The following CNTN3 variants were observed in gnomAD, a reference collection of about 807,000 sequenced individuals.
CNTN3 encodes the protein contactin-3.
In CNTN3, 60 loss-of-function variants were observed where a neutral mutation model predicts 119.1. The ratio of observed to expected loss-of-function variants is 0.50; its 90% CI spans 0.41 to 0.62. The LOEUF (loss-of-function observed/expected upper bound fraction) is 0.62. Ranked by LOEUF, CNTN3 falls within the 20% of genes least tolerant of loss-of-function variation. The pLI is 0.00. For missense variants in CNTN3, 1,101 were observed against 1,242.4 expected, an observed-to-expected ratio of 0.89 and a Z score of 1.71; for synonymous variants, 450 against 438.7, an observed-to-expected ratio of 1.03 and a Z score of -0.32.
At position 74,448,792 on chromosome 3, in the gene CNTN3, C is replaced by T. The variant is rs573282354; in HGVS notation, c.359-23852G>A. 4.9e-4 allele frequency among the ~76,000 whole-genome samples: 74 copies of T among 152,224 alleles called. 1 individual carries two copies. The highest frequency in any genetic ancestry group is 6.8e-3 in the Middle Eastern group (2 of 294). On this transcript the variant is annotated intron_variant, in intron 4 of 22. Transcript: ENST00000263665. ...TCTACCAGAATGGTCCATTTCATAACTATTTTTCTATATCCTTTGAAAAAC... is the reference window on the plus strand; with the variant it reads ...TCTACCAGAATGGTCCATTTCATAATTATTTTTCTATATCCTTTGAAAAAC...
At chr3:74,488,270 G>C (rs752834072) in intron 3 of CNTN3, among the ~76,000 whole-genome samples, 33 of 151,678 alleles carry the variant, frequency 2.2e-4, no homozygotes, top group Non-Finnish European at 4.6e-4. Flanking sequence ...CCGACACCAC[G>C]CCTGGCTAAT....
chr3:74,342,861 C>T (rs932901389), intron 11 of CNTN3, among the ~76,000 whole-genome samples: 1 of 152,132 alleles, frequency 6.6e-6, no homozygotes, highest in African/African-American at 2.4e-5. Context: ...AGGCAATACT[C>T]TCATCTGAAA....
intron 5 of CNTN3, among the ~76,000 whole-genome samples, chr3:74,402,949 G>A (rs1705235114): frequency 6.6e-6 from 1 of 152,134 alleles, no homozygotes; most frequent in Admixed American, 6.6e-5. Flanking sequence ...AGTTCTGGGA[G>A]GAGCAAGAGG....
rs540092102 is a variant in CNTN3 at position 74,470,864 on chromosome 3, C to T, written c.358+15592G>A. ...AAAATACTCCATGCCAAAACATATTCGGTTTTTTGTTGTTGTTGTTGTTGT... is the reference window on the plus strand; with the variant it reads ...AAAATACTCCATGCCAAAACATATTTGGTTTTTTGTTGTTGTTGTTGTTGT... On this transcript the variant is annotated intron_variant, in intron 4 of 22. Transcript: ENST00000263665. Among the ~76,000 whole-genome samples the T allele has an allele frequency of 5.6e-4, 63 of 112,556 alleles. No individual in the cohort carries two copies. The East Asian group carries it at 0.011, about 20-fold the overall frequency. 73.8% of individuals were successfully genotyped at this position (112,556 alleles called of 152,430 possible).
intron 1 of CNTN3, among the ~76,000 whole-genome samples, chr3:74,568,515 A>T (rs1575835606): frequency 6.6e-6 from 1 of 152,300 alleles, no homozygotes; most frequent in East Asian, 1.9e-4. Flanking sequence ...GTTCTGAAGC[A>T]GGTCCTGGGA....
intron 20 of CNTN3, among the ~76,000 whole-genome samples, chr3:74,276,182 C>A (rs971360512): frequency 5.9e-5 from 9 of 152,030 alleles, no homozygotes; most frequent in Non-Finnish European, 1.2e-4. Context: ...GACAGCCACA[C>A]AATAATAGTG....
chr3:74,293,889 T>A (rs140740045), intron 19 of CNTN3, among the ~76,000 whole-genome samples: 1 of 152,314 alleles, frequency 6.6e-6, no homozygotes, highest in East Asian at 1.9e-4. Context: ...ATGGCCTTAG[T>A]TTGAGAAGTC....
intron 5 of CNTN3, among the ~76,000 whole-genome samples, chr3:74,395,955 T>C (rs563457456): frequency 4.6e-5 from 7 of 152,314 alleles, no homozygotes; most frequent in African/African-American, 1.7e-4. Context: ...ATGTTACTAT[T>C]GTAATTTTTG....
At chr3:74,398,240 T>C (rs539170996) in intron 5 of CNTN3, among the ~76,000 whole-genome samples, 8 of 152,294 alleles carry the variant, frequency 5.3e-5, no homozygotes, top group South Asian at 2.1e-4. Flanking sequence ...GAAGAGTCAA[T>C]TGATGTGGCA....
chr3:74,507,626 C>CTTTTTTTTTTTTTTTTTTTTTTTTTTTT (rs59540461), intron 2 of CNTN3, among the ~76,000 whole-genome samples: 2 of 103,652 alleles, frequency 1.9e-5, no homozygotes, highest in African/African-American at 4.0e-5. Context: ...TTCTTTCTTT[C>CTTTTTTTTTTTTTTTTTTTTTTTTTTTT]TTTTTTTTTT....
At chr3:74,480,491 T>C (rs745559287) in intron 4 of CNTN3, among the ~76,000 whole-genome samples, 4 of 151,726 alleles carry the variant, frequency 2.6e-5, no homozygotes, top group Non-Finnish European at 4.4e-5. Context: ...CAGTAATACT[T>C]AAAACTGGAA....
chr3:74,296,880 T>C (rs1702349046), intron 18 of CNTN3, among the ~76,000 whole-genome samples: 1 of 152,190 alleles, frequency 6.6e-6, no homozygotes, highest in African/African-American at 2.4e-5. Flanking sequence ...TTTTTTTTTT[T>C]TTTTGTAGAA....
intron 4 of CNTN3, among the ~76,000 whole-genome samples, chr3:74,434,522 G>T (rs991167671): frequency 4.6e-5 from 7 of 152,124 alleles, no homozygotes; most frequent in Non-Finnish European, 8.8e-5. Flanking sequence ...ATGAACATCT[G>T]TTTCCTTTCA....
At chr3:74,525,235 TAAAAG>T (rs1235314018) in intron 1 of CNTN3, among the ~76,000 whole-genome samples, 1 of 151,936 alleles carries the variant, frequency 6.6e-6, no homozygotes, top group Non-Finnish European at 1.5e-5. Context: ...GAATTTGATT[TAAAAG>T]AAAAGATATG....
intron 1 of CNTN3, among the ~76,000 whole-genome samples, chr3:74,559,502 C>A (rs1225205465): frequency 6.6e-6 from 1 of 152,012 alleles, no homozygotes; most frequent in Admixed American, 6.6e-5. Flanking sequence ...ACACAGCCTA[C>A]CTCTACCAGC....
chr3:74,474,961 T>C (rs944657854), intron 4 of CNTN3, among the ~76,000 whole-genome samples: 5 of 152,166 alleles, frequency 3.3e-5, no homozygotes, highest in African/African-American at 1.2e-4. Flanking sequence ...CTAAGTATCC[T>C]GAGATCTCCC....
intron 11 of CNTN3, among the ~76,000 whole-genome samples, chr3:74,355,448 T>TTTTTG (rs71625969): frequency 0.28 from 41,527 of 150,582 alleles, 5,943 homozygotes; most frequent in Middle Eastern, 0.33. Flanking sequence ...GGTACCAGTG[T>TTTTTG]TTTTGTTTTG....
At chr3:74,424,642 A>C (rs13095169) in intron 5 of CNTN3, among the ~76,000 whole-genome samples, 91,162 of 152,086 alleles carry the variant, frequency 0.6, 30,087 homozygotes, top group East Asian at 0.81. Context: ...TAAACCAAAA[A>C]GTCAATGAGT....
chr3:74,349,299 T>C (rs1703762794), intron 11 of CNTN3, among the ~76,000 whole-genome samples: 2 of 152,132 alleles, frequency 1.3e-5, no homozygotes, highest in African/African-American at 4.8e-5. Context: ...ATACACTGTG[T>C]TAAATGATAC....
Sources: gnomAD v4.1 joint callset for allele counts (sites outside exome capture counted in the v4.1 genomes callset) on GRCh38, gnomAD v4.1.1 for gene constraint, MANE v1.5 for transcripts, NCBI Gene and HGNC (gene_info 2026-07-23, HGNC 2026-07-21) for gene names.